Variants in PTGER3 observed in about 807,000 individuals in gnomAD.
PTGER3 encodes the protein prostaglandin E receptor 3, also known as prostaglandin E2 receptor EP3 subtype.
A neutral mutation model predicts 34.7 loss-of-function variants in PTGER3; 22 were observed. The observed-to-expected ratio is 0.63, with a 90% CI of 0.45 to 0.91. The LOEUF (loss-of-function observed/expected upper bound fraction) is 0.91, where lower values mean the gene tolerates loss of function less well. Ranked by LOEUF, PTGER3 falls within the 40% of genes least tolerant of loss-of-function variation. The pLI is 0.00. For missense variants in PTGER3, 468 were observed against 519.4 expected (o/e 0.90, Z 0.96); for synonymous variants, 241 against 230.1 (o/e 1.05, Z -0.43).
chr1:70,852,710 G>A (rs772477397), exon 5 of PTGER3: 1 of 1,096,100 alleles, frequency 9.1e-7, no homozygotes, highest in Admixed American at 1.9e-5. Flanking sequence ...AGTTATATTT[G>A]GGGGTGGGCT....
chr1:70,936,219 G>A (rs1401594920), intron 4 of PTGER3, among the ~76,000 whole-genome samples: 1 of 152,150 alleles, frequency 6.6e-6, no homozygotes, highest in Non-Finnish European at 1.5e-5. Flanking sequence ...TCTGGGCTAG[G>A]ATGAGACCAA....
intron 4 of PTGER3, among the ~76,000 whole-genome samples, chr1:70,913,730 C>T (rs920903382): frequency 6.6e-6 from 1 of 151,686 alleles, no homozygotes; most frequent in South Asian, 2.1e-4. Context: ...TTCATGTATT[C>T]AAAAATTATG....
intron 1 of PTGER3, 36 bp downstream of exon 1, chr1:71,046,645 C>T (rs376509801): frequency 6.6e-7 from 1 of 1,509,818 alleles, no homozygotes; most frequent in Non-Finnish European, 8.8e-7. Context: ...TACTCGCACA[C>T]GCATCCTGAC....
chr1:70,929,495 GT>G (rs1648486709), intron 4 of PTGER3, among the ~76,000 whole-genome samples: 1 of 152,118 alleles, frequency 6.6e-6, no homozygotes, highest in Admixed American at 6.6e-5. Flanking sequence ...TTTGTTACTG[GT>G]CAACCTGGTT....
At chr1:70,993,338 A>G (rs960815067) in intron 2 of PTGER3, among the ~76,000 whole-genome samples, 2 of 152,240 alleles carry the variant, frequency 1.3e-5, no homozygotes, top group East Asian at 3.8e-4. Context: ...GCGCATGTGT[A>G]TACATGGGAC....
At chr1:70,969,683 G>A (rs1254458932), downstream of PTGER3, among the ~76,000 whole-genome samples, 1 of 152,150 alleles carries the variant, frequency 6.6e-6, no homozygotes, top group Non-Finnish European at 1.5e-5. Context: ...GGTAGGTTTT[G>A]CATGGACAAA....
intron 2 of PTGER3, among the ~76,000 whole-genome samples, chr1:70,990,288 C>T (rs550255408): frequency 1.9e-4 from 28 of 149,268 alleles, no homozygotes; most frequent in South Asian, 4.3e-4. Flanking sequence ...ACCCGGGAGA[C>T]GGAGCTTGCA....
intron 2 of PTGER3, chr1:71,009,842 G>A: frequency 1.0e-6 from 1 of 985,096 alleles, no homozygotes; most frequent in Non-Finnish European, 1.2e-6. Flanking sequence ...TTTCTGCTGT[G>A]ACTACATATA....
chr1:71,011,809 C>T (rs1333573423), intron 2 of PTGER3: 3 of 992,930 alleles, frequency 3.0e-6, no homozygotes, highest in Non-Finnish European at 3.6e-6. Context: ...TGAAAGAGAA[C>T]ACAGCAATGT....
Position 70,979,243 on chromosome 1 carries a change from C to A in PTGER3, c.1078-4855G>T, listed in dbSNP as rs941893913. 4.0e-5 allele frequency among the ~76,000 whole-genome samples: 6 copies of A among 151,284 alleles called. No homozygotes were observed. The East Asian group carries it at 1.2e-3, about 30-fold the overall frequency. On this transcript the variant is annotated intron_variant, in intron 2 of 3. Transcript: ENST00000306666. ...TATGTGGTGTTTGAATGAATGATTT[C>A]TTCTACATTTTTTATATGCAATGTC...
chr1:71,010,247 T>C lies in PTGER3; in HGVS notation c.1077+2058A>G, dbSNP rs140751295. ...AATTATTAGTATAAATAAAGCACTG[T>C]GTTGTACAGCAGTATGACACTACAC... On this transcript the variant is annotated intron_variant, in intron 2 of 3. Transcript: ENST00000306666. 7 of 983,802 alleles carry C rather than the reference T, an allele frequency of 7.1e-6. No homozygotes were observed. The African/African-American group carries it at 1.2e-4, about 17-fold the overall frequency. 60.9% of individuals were successfully genotyped at this position (983,802 alleles called of 1,614,324 possible). A position where few individuals can be genotyped will look rare whatever the true frequency, so the allele number is the denominator to read the frequency against.
At chr1:71,032,938 G>C (rs1029696079) in intron 1 of PTGER3, among the ~76,000 whole-genome samples, 5 of 152,126 alleles carry the variant, frequency 3.3e-5, no homozygotes, top group Admixed American at 2.6e-4. Flanking sequence ...AAATCAGCAT[G>C]CTCCAGATCT....
At chr1:70,950,496 C>T (rs924530935), downstream of PTGER3, among the ~76,000 whole-genome samples, 1 of 152,188 alleles carries the variant, frequency 6.6e-6, no homozygotes, top group East Asian at 1.9e-4. Context: ...TCACCTTTCA[C>T]GGGAAAAAGG....
At chr1:70,973,774 C>T (rs11209724) in intron 3 of PTGER3, among the ~76,000 whole-genome samples, 35 of 152,098 alleles carry the variant, frequency 2.3e-4, no homozygotes, top group African/African-American at 7.0e-4. Context: ...AAAAGAGGTG[C>T]TTGAGGGAAG....
intron 2 of PTGER3, among the ~76,000 whole-genome samples, chr1:70,962,156 A>C (rs904761085): frequency 3.9e-5 from 6 of 152,214 alleles, no homozygotes; most frequent in Non-Finnish European, 8.8e-5. Flanking sequence ...GTCAGGATTC[A>C]AACCCACAGC....
intron 2 of PTGER3, among the ~76,000 whole-genome samples, chr1:70,962,540 C>A (rs1210007280): frequency 6.6e-6 from 1 of 152,158 alleles, no homozygotes; most frequent in East Asian, 1.9e-4. Context: ...AAGCCTCACA[C>A]TTCATGGTGG....
Position 70,886,656 on chromosome 1 carries a change from T to G in PTGER3, c.*24-33797A>C, listed in dbSNP as rs547194961. Among the ~76,000 whole-genome samples the G allele has an allele frequency of 7.2e-5, 11 of 152,358 alleles. No individual in the cohort carries two copies. In the South Asian group the frequency reaches 2.3e-3, roughly 32 times the overall value. ...TCACTCTCTGCATCTTTACTCTGCTTTAGTTTTCATCATGGCAATTATTAG... is the reference window on the plus strand; with the variant it reads ...TCACTCTCTGCATCTTTACTCTGCTGTAGTTTTCATCATGGCAATTATTAG... On this transcript the variant is annotated intron_variant, in intron 4 of 4. Coordinates refer to the PTGER3 transcript ENST00000370931.
At chr1:70,852,825 C>A in exon 5 of PTGER3, 1 of 1,613,052 alleles carries the variant, frequency 6.2e-7, no homozygotes, top group South Asian at 1.1e-5. Flanking sequence ...GTGATCCTGG[C>A]AGAAAGGCAG....
chr1:70,878,400 A>G (rs559452335), intron 4 of PTGER3, among the ~76,000 whole-genome samples: 167 of 151,770 alleles, frequency 1.1e-3, no homozygotes, highest in Admixed American at 3.0e-3. Context: ...CTGTCTTAAT[A>G]ATTTTTTCAA....
Sources: allele counts gnomAD v4.1 joint callset (sites outside exome capture counted in the v4.1 genomes callset), GRCh38; gene constraint gnomAD v4.1.1; transcripts MANE v1.5; gene names NCBI Gene and HGNC (gene_info 2026-07-23, HGNC 2026-07-21).